TIPARP: variants seen among roughly 807,000 people sequenced by gnomAD.
TIPARP encodes the protein TCDD inducible poly(ADP-ribose) polymerase, also known as protein mono-ADP-ribosyltransferase TIPARP.
TIPARP carries 12 observed loss-of-function variants against 56.5 expected under a neutral mutation model. That is an observed-to-expected ratio of 0.21 (90% confidence interval 0.14 to 0.34). TIPARP has a LOEUF of 0.34. Among genes scored for constraint, TIPARP ranks in the 10% least tolerant of loss-of-function variants. The pLI, the probability that TIPARP is intolerant of heterozygous loss-of-function variation, is 1.00. For missense variants in TIPARP, 604 were observed against 781.6 expected (o/e 0.77, Z 2.71); for synonymous variants, 296 against 265.7 (o/e 1.11, Z -1.11).
At chr3:156,688,892 T>C (rs1002193636) in intron 2 of TIPARP, among the ~76,000 whole-genome samples, 3 of 152,190 alleles carry the variant, frequency 2.0e-5, no homozygotes, top group African/African-American at 7.2e-5. Flanking sequence ...ATCTTTATCT[T>C]TCTATCATTA....
chr3:156,685,651 CACTT>C (rs1722410900), intron 2 of TIPARP, among the ~76,000 whole-genome samples: 1 of 152,208 alleles, frequency 6.6e-6, no homozygotes, highest in Non-Finnish European at 1.5e-5. Flanking sequence ...GTTTAGACCA[CACTT>C]ACAAGAATTT....
intron 2 of TIPARP, among the ~76,000 whole-genome samples, chr3:156,681,978 G>C (rs190014888): frequency 6.6e-6 from 1 of 152,112 alleles, no homozygotes; most frequent in Non-Finnish European, 1.5e-5. Flanking sequence ...CTCATCCTTA[G>C]TAGACGATGA....
intron 2 of TIPARP, among the ~76,000 whole-genome samples, chr3:156,688,652 T>C (rs1722494240): frequency 6.6e-6 from 1 of 152,186 alleles, no homozygotes; most frequent in Non-Finnish European, 1.5e-5. Flanking sequence ...GTTGGTATTG[T>C]GTATGCCATG....
intron 2 of TIPARP, among the ~76,000 whole-genome samples, chr3:156,692,831 A>G (rs1425675640): frequency 6.6e-6 from 1 of 152,172 alleles, no homozygotes; most frequent in East Asian, 1.9e-4. Context: ...AAAATGTGCT[A>G]GCTAGCAAAA....
intron 4 of TIPARP, among the ~76,000 whole-genome samples, chr3:156,701,405 G>T (rs1036003203): frequency 6.6e-6 from 1 of 152,160 alleles, no homozygotes; most frequent in African/African-American, 2.4e-5. Flanking sequence ...TGTTTGCAGA[G>T]AATCTTACCT....
intron 2 of TIPARP, among the ~76,000 whole-genome samples, chr3:156,684,244 CGA>C (rs1033603929): frequency 7.9e-5 from 12 of 151,996 alleles, no homozygotes; most frequent in African/African-American, 2.9e-4. Flanking sequence ...AAAGTGAGTT[CGA>C]GAGATTTTGT....
chr3:156,694,713 G>A (rs1326722227), intron 3 of TIPARP, among the ~76,000 whole-genome samples: 1 of 152,180 alleles, frequency 6.6e-6, no homozygotes, highest in Non-Finnish European at 1.5e-5. Context: ...CTGAGACAGT[G>A]ATAATAGCCC....
Position 156,703,702 on chromosome 3 carries a change from G to C in TIPARP, c.1526G>C (p.Arg509Thr). ...QNQFLWEKYK[R>T]KKEYMNRKMF... ...CAGTTTCTTTGGGAGAAATATAAAA[G>C]GTGAGTCAGATGTATGAAAAGTTCA... The change falls in exon 5 of 6, where the codon AGG becomes ACG. Residue 509 changes from arginine to threonine, a missense_variant and splice_region_variant. Arg to Thr is a moderately conservative substitution (Grantham distance 71). Around this residue, in one of 4 missense-constraint regions of TIPARP, gnomAD observed 252 missense variants for 303.9 expected, o/e 0.83. Coordinates refer to ENST00000295924, the MANE Select transcript of TIPARP (RefSeq NM_015508.5). 1.9e-6 allele frequency: 3 copies of C among 1,607,814 alleles called. No homozygotes were observed. Among genetic ancestry groups the C allele is most frequent in the Non-Finnish European group, 2.5e-6 (3 of 1,178,708 alleles).
intron 2 of TIPARP, among the ~76,000 whole-genome samples, chr3:156,683,775 A>G (rs62276622): frequency 0.032 from 4,866 of 152,350 alleles, 112 homozygotes; most frequent in Non-Finnish European, 0.048. Flanking sequence ...TTTGGGTGCT[A>G]TTCCTAAAGG....
At chr3:156,702,375 A>G (rs1454077024) in intron 4 of TIPARP, among the ~76,000 whole-genome samples, 2 of 152,128 alleles carry the variant, frequency 1.3e-5, no homozygotes, top group Non-Finnish European at 2.9e-5. Flanking sequence ...ACAATTAGTG[A>G]TATTGTATGT....
Position 156,681,986 on chromosome 3 carries a change from T to C in TIPARP, c.917+3372T>C, listed in dbSNP as rs1260197660. On this transcript the variant is annotated intron_variant, in intron 2 of 5. Transcript: ENST00000295924. ...GTAGGCACTCATCCTTAGTAGACGA[T>C]GACATTGGATGGCAGAATTAAGCAG... 2.0e-5 allele frequency among the ~76,000 whole-genome samples: 3 copies of C among 152,144 alleles called. No individual in the cohort carries two copies. In the East Asian group the frequency reaches 5.8e-4, roughly 29 times the overall value.
At chr3:156,677,418 G>A (rs536909725) in intron 1 of TIPARP, among the ~76,000 whole-genome samples, 94 of 152,286 alleles carry the variant, frequency 6.2e-4, no homozygotes, top group African/African-American at 2.1e-3. Context: ...ACAAATGCAT[G>A]CCAATGGCCT....
intron 5 of TIPARP, among the ~76,000 whole-genome samples, chr3:156,704,463 T>C (rs1722930023): frequency 6.6e-6 from 1 of 152,132 alleles, no homozygotes; most frequent in Non-Finnish European, 1.5e-5. Flanking sequence ...TTAATAGATT[T>C]AAGATGAAAG....
At position 156,705,815 on chromosome 3, in the gene TIPARP, T is replaced by C. The variant is rs1473089545; in HGVS notation, c.*684T>C. 6.6e-6 allele frequency: 1 copy of C among 152,642 alleles called. No individual in the cohort carries two copies. Among genetic ancestry groups the C allele is most frequent in the African/African-American group, 2.4e-5 (1 of 41,450 alleles). 9.5% of individuals were successfully genotyped at this position (152,642 alleles called of 1,614,324 possible). ...TGTCACCAGCAAAACTTTTCACTAA[T>C]TAGTGATATGAAATGTGATTTTTGT... is the stretch of plus-strand genomic sequence containing the variant. On this transcript the variant is annotated 3_prime_UTR_variant, in exon 6 of 6. Transcript: ENST00000295924.
intron 5 of TIPARP, 76 bp from the exon 6 acceptor site, chr3:156,704,608 G>A: frequency 6.9e-7 from 1 of 1,457,894 alleles, no homozygotes; most frequent in Non-Finnish European, 9.3e-7. Context: ...ATAAAGAGAA[G>A]TTTATGACTA....
In TIPARP at chr3:156,705,262, G is replaced by A. The variant is rs1475388430; in HGVS notation, c.*131G>A. On this transcript the variant is annotated 3_prime_UTR_variant, in exon 6 of 6. Transcript: ENST00000295924. ...GCACTTTTCAGACCCATTTTTTAAA[G>A]TGCTAGAAAATGCTTTTTTTAAAAA... The A allele has an allele frequency of 3.2e-6, 2 of 633,700 alleles. No individual in the cohort carries two copies. The highest frequency in any genetic ancestry group is 2.2e-5 in the South Asian group (1 of 45,352). 39.3% of individuals were successfully genotyped at this position (633,700 alleles called of 1,614,324 possible). A position where few individuals can be genotyped will look rare whatever the true frequency, so the allele number is the denominator to read the frequency against.
intron 2 of TIPARP, among the ~76,000 whole-genome samples, chr3:156,691,838 T>A (rs1246002292): frequency 6.6e-6 from 1 of 152,186 alleles, no homozygotes; most frequent in Non-Finnish European, 1.5e-5. Flanking sequence ...CTTTGATACA[T>A]CAATCCAAAG....
chr3:156,704,725 G>A lies in TIPARP; in HGVS notation c.1568G>A (p.Arg523Lys), dbSNP rs775538386. The change falls in exon 6 of 6, where the codon AGG (arginine) becomes AAG (lysine). Residue 523 changes from arginine to lysine, a missense_variant. Coordinates refer to ENST00000295924, the MANE Select transcript of TIPARP (RefSeq NM_015508.5). The part of the protein sequence containing the change: ...YMNRKMFGRD[R>K]IINERHLFHG... Reference sequence around the variant, plus strand: ...AACAGGAAAATGTTTGGCCGTGACAGGATAATAAATGAGAGACATTTATTT... The same window carrying A: ...AACAGGAAAATGTTTGGCCGTGACAAGATAATAAATGAGAGACATTTATTT... 1 of 1,614,112 alleles carries A rather than the reference G, an allele frequency of 6.2e-7. No individual in the cohort carries two copies. Among genetic ancestry groups the A allele is most frequent in the Non-Finnish European group, 8.5e-7 (1 of 1,179,984 alleles).
rs1189527472 is a variant in TIPARP, at chr3:156,677,531, C to G, written c.-41-126C>G. On this transcript the variant is annotated intron_variant, in intron 1 of 5. Coordinates refer to ENST00000295924, the MANE Select transcript of TIPARP (RefSeq NM_015508.5). ...AAAATTTAAAATTGACTTGTAAAAA[C>G]TAAATATAGTATAAGAGGAATGGTT... 1.3e-5 allele frequency: 8 copies of G among 632,508 alleles called. No homozygotes were observed. The Admixed American group carries it at 2.9e-4, about 23-fold the overall frequency. The allele number at this position is 632,508 out of a possible 1,614,324, so 39.2% of individuals were successfully genotyped here. A position where few individuals can be genotyped will look rare whatever the true frequency, so the allele number is the denominator to read the frequency against.
Sources: allele counts gnomAD v4.1 joint callset (sites outside exome capture counted in the v4.1 genomes callset), GRCh38; gene constraint gnomAD v4.1.1; regional missense constraint gnomAD v4.1.1; transcripts MANE v1.5; gene names NCBI Gene and HGNC (gene_info 2026-07-23, HGNC 2026-07-21).